The following SLC24A4 variants were observed in gnomAD, a reference collection of about 807,000 sequenced individuals.
The protein encoded by SLC24A4 is solute carrier family 24 member 4.
SLC24A4 carries 53 observed loss-of-function variants against 79.0 expected under a neutral mutation model. That is an observed-to-expected ratio of 0.67 (90% CI 0.54 to 0.84). The LOEUF (loss-of-function observed/expected upper bound fraction) is 0.84. SLC24A4 is among the 40% of genes least tolerant of loss of function. The probability of loss-of-function intolerance (pLI) is 0.00; values close to 1 mark genes in which losing one functional copy is unlikely to be tolerated. For missense variants in SLC24A4, 731 were observed against 822.0 expected, an observed-to-expected ratio of 0.89 and a Z score of 1.35; for synonymous variants, 323 against 323.8, an observed-to-expected ratio of 1.00 and a Z score of 0.03.
At chr14:92,447,290 C>T in intron 8 of SLC24A4, 81 bp from the exon 9 acceptor site, 1 of 1,317,512 alleles carries the variant, frequency 7.6e-7, no homozygotes, top group Admixed American at 1.7e-5. Context: ...CCCGCCCTTC[C>T]CCACTTCTGG....
chr14:92,364,928 T>C (rs2018116), intron 2 of SLC24A4, among the ~76,000 whole-genome samples: 115,584 of 152,162 alleles, frequency 0.76, 47,094 homozygotes, highest in East Asian at 0.95. Flanking sequence ...CTGCTTGTGG[T>C]CCCAAAGGTG....
chr14:92,484,548 G>A, intron 13 of SLC24A4: 1 of 985,396 alleles, frequency 1.0e-6, no homozygotes, highest in Non-Finnish European at 1.2e-6. Context: ...CTGTGATTGT[G>A]TTTTAGTGAA....
At position 92,495,195 on chromosome 14, in the gene SLC24A4, C is replaced by G. The variant is rs1429081962; in HGVS notation, c.*1567C>G. On this transcript the variant is annotated 3_prime_UTR_variant, in exon 17 of 17. Coordinates refer to ENST00000532405, the MANE Select transcript of SLC24A4 (RefSeq NM_153646.4). ...CCTTCCTGAGACTCAAAGATCGTGA[C>G]GCTGGTTGGAATTTCTGACTGTGCC... is the stretch of plus-strand genomic sequence containing the variant. The G allele has an allele frequency of 6.6e-6, 1 of 152,456 alleles. No individual in the cohort carries two copies. Among genetic ancestry groups the G allele is most frequent in the East Asian group, 1.9e-4 (1 of 5,188 alleles). 9.4% of individuals were successfully genotyped at this position (152,456 alleles called of 1,614,324 possible).
intron 2 of SLC24A4, among the ~76,000 whole-genome samples, chr14:92,373,182 ACACACACACACG>A (rs1332362824): frequency 2.4e-5 from 2 of 81,726 alleles, no homozygotes; most frequent in South Asian, 6.3e-4. Context: ...ACACACACAC[ACACACACACACG>A]CACACACACA....
intron 12 of SLC24A4, chr14:92,462,159 G>T (rs2139866381): frequency 6.6e-6 from 1 of 152,310 alleles, no homozygotes; most frequent in East Asian, 1.9e-4. Flanking sequence ...CTCAAGATCT[G>T]GTCCAGCCGG....
At chr14:92,388,575 T>C (rs1889296802) in intron 2 of SLC24A4, among the ~76,000 whole-genome samples, 1 of 152,170 alleles carries the variant, frequency 6.6e-6, no homozygotes, top group African/African-American at 2.4e-5. Flanking sequence ...GCTCTCGCTG[T>C]CTCTGTTGGG....
At chr14:92,470,772 C>T (rs990699866) in intron 12 of SLC24A4, among the ~76,000 whole-genome samples, 3 of 152,094 alleles carry the variant, frequency 2.0e-5, no homozygotes, top group Non-Finnish European at 4.4e-5. Flanking sequence ...CCTCTGCAGC[C>T]CCCAAAACTC....
At position 92,498,227 on chromosome 14, in the gene SLC24A4, C is replaced by T. The variant is rs1402471372; in HGVS notation, c.*4599C>T. 3 of 152,208 alleles carry T rather than the reference C, an allele frequency of 2.0e-5. No individual in the cohort carries two copies. The highest frequency in any genetic ancestry group is 7.2e-5 in the African/African-American group (3 of 41,438). The allele number at this position is 152,208 out of a possible 1,614,324, so 9.4% of individuals were successfully genotyped here. On this transcript the variant is annotated 3_prime_UTR_variant, in exon 17 of 17. Coordinates refer to ENST00000532405, the MANE Select transcript of SLC24A4 (RefSeq NM_153646.4). The stretch of plus-strand genomic sequence containing the variant: ...TCTCTGTAGCTGATCCTGTGAGCCC[C>T]TCAAGCATGAAGCCTCCCTTGGGGC...
intron 12 of SLC24A4, among the ~76,000 whole-genome samples, chr14:92,469,702 G>T (rs1259813750): frequency 2.6e-5 from 4 of 152,088 alleles, no homozygotes; most frequent in Non-Finnish European, 5.9e-5. Flanking sequence ...ACGAAATGTG[G>T]TATATCCATA....
chr14:92,374,616 T>G (rs1048929319), intron 2 of SLC24A4, among the ~76,000 whole-genome samples: 5 of 152,178 alleles, frequency 3.3e-5, no homozygotes, highest in Admixed American at 1.3e-4. Context: ...CACTCCACGT[T>G]CCCTTCCTTA....
At chr14:92,366,826 T>A (rs772095585) in intron 2 of SLC24A4, among the ~76,000 whole-genome samples, 4 of 152,200 alleles carry the variant, frequency 2.6e-5, no homozygotes, top group Non-Finnish European at 4.4e-5. Flanking sequence ...AAAACAACCC[T>A]GGAATAGGCG....
chr14:92,461,989 C>A (rs1050437671), intron 12 of SLC24A4: 1 of 152,258 alleles, frequency 6.6e-6, no homozygotes, highest in African/African-American at 2.4e-5. Flanking sequence ...TCATTCCAGG[C>A]ACTTTCATTT....
At chr14:92,456,964 A>G (rs565460718) in intron 12 of SLC24A4, among the ~76,000 whole-genome samples, 1 of 152,316 alleles carries the variant, frequency 6.6e-6, no homozygotes, top group African/African-American at 2.4e-5. Context: ...TTTTAGGGAC[A>G]TTCTTGCACT....
intron 2 of SLC24A4, among the ~76,000 whole-genome samples, chr14:92,429,353 T>C (rs1891735001): frequency 6.6e-6 from 1 of 151,418 alleles, no homozygotes; most frequent in South Asian, 2.1e-4. Context: ...GAAGAATGAG[T>C]TTTAGTGTAT....
intron 12 of SLC24A4, among the ~76,000 whole-genome samples, chr14:92,477,250 C>T (rs999865541): frequency 1.5e-4 from 23 of 152,178 alleles, no homozygotes; most frequent in Non-Finnish European, 2.9e-5. Flanking sequence ...CCTTGAATTA[C>T]ATTTTCCTAA....
intron 2 of SLC24A4, among the ~76,000 whole-genome samples, chr14:92,346,385 T>C (rs954969077): frequency 6.6e-6 from 1 of 152,158 alleles, no homozygotes; most frequent in Non-Finnish European, 1.5e-5. Flanking sequence ...GGAGAAGGCA[T>C]GAGGTCACCT....
chr14:92,436,899 C>A (rs1892205583), intron 3 of SLC24A4, among the ~76,000 whole-genome samples: 1 of 152,160 alleles, frequency 6.6e-6, no homozygotes, highest in African/African-American at 2.4e-5. Flanking sequence ...TACCCACACC[C>A]CTGCTATTTG....
chr14:92,380,146 G>A (rs1315379479), intron 2 of SLC24A4, among the ~76,000 whole-genome samples: 2 of 152,222 alleles, frequency 1.3e-5, no homozygotes, highest in African/African-American at 4.8e-5. Context: ...GCAAAAACGG[G>A]GTGCTCTGCA....
chr14:92,324,844 T>G (rs1885033122), intron 1 of SLC24A4, among the ~76,000 whole-genome samples: 1 of 152,178 alleles, frequency 6.6e-6, no homozygotes, highest in African/African-American at 2.4e-5. Flanking sequence ...AGTACCTTCT[T>G]GAGCAGTTAG....
Sources: allele counts gnomAD v4.1 joint callset (sites outside exome capture counted in the v4.1 genomes callset), GRCh38; gene constraint gnomAD v4.1.1; transcripts MANE v1.5; gene names NCBI Gene and HGNC (gene_info 2026-07-23, HGNC 2026-07-21).